KCNQ3: variants seen among roughly 807,000 people sequenced by gnomAD.
The protein encoded by KCNQ3 is potassium voltage-gated channel subfamily Q member 3.
In KCNQ3, 30 loss-of-function variants were observed where a neutral mutation model predicts 92.5. That is an observed-to-expected ratio of 0.32 (90% CI 0.24 to 0.44). The LOEUF (loss-of-function observed/expected upper bound fraction) is 0.44, where lower values mean the gene tolerates loss of function less well. KCNQ3 is among the 20% of genes least tolerant of loss of function. KCNQ3 has a pLI of 1.00. For missense variants in KCNQ3, 913 were observed against 1,140.3 expected (o/e 0.80, Z 2.87); for synonymous variants, 450 against 468.8 (o/e 0.96, Z 0.52).
At chr8:132,408,714 T>A (rs142771730) in intron 1 of KCNQ3, among the ~76,000 whole-genome samples, 11 of 152,176 alleles carry the variant, frequency 7.2e-5, no homozygotes, top group Non-Finnish European at 1.2e-4. Context: ...ATAAAAGAGG[T>A]CAGAGAGTCA....
chr8:132,149,532 G>A (rs921805122), intron 9 of KCNQ3, among the ~76,000 whole-genome samples: 1 of 152,170 alleles, frequency 6.6e-6, no homozygotes, highest in Non-Finnish European at 1.5e-5. Flanking sequence ...AGGAAAGGAG[G>A]GTGGAATGGG....
At chr8:132,408,779 G>T (rs1459142211) in intron 1 of KCNQ3, among the ~76,000 whole-genome samples, 1 of 152,158 alleles carries the variant, frequency 6.6e-6, no homozygotes, top group Non-Finnish European at 1.5e-5. Context: ...GTAGCAAAGG[G>T]CACTAGGCAG....
chr8:132,363,827 T>C (rs955052192), intron 1 of KCNQ3, among the ~76,000 whole-genome samples: 1 of 151,658 alleles, frequency 6.6e-6, no homozygotes, highest in African/African-American at 2.4e-5. Context: ...TCTTTCATAC[T>C]TTCTGAGTGT....
chr8:132,151,033 AG>A (rs1208112196), intron 9 of KCNQ3, among the ~76,000 whole-genome samples: 16 of 152,226 alleles, frequency 1.1e-4, no homozygotes, highest in Admixed American at 5.9e-4. Flanking sequence ...AAATATAAAT[AG>A]GTGGACTAAA....
At chr8:132,369,459 A>G (rs1819411070) in intron 1 of KCNQ3, among the ~76,000 whole-genome samples, 1 of 152,124 alleles carries the variant, frequency 6.6e-6, no homozygotes, top group Admixed American at 6.5e-5. Flanking sequence ...CCATTGTCCA[A>G]TAAAAGAAAC....
intron 1 of KCNQ3, among the ~76,000 whole-genome samples, chr8:132,269,287 C>T (rs917181391): frequency 2.0e-5 from 3 of 152,126 alleles, no homozygotes; most frequent in African/African-American, 7.2e-5. Context: ...ATTACCATAC[C>T]CAAAGTCATC....
chr8:132,359,796 C>T (rs1446740730), intron 1 of KCNQ3, among the ~76,000 whole-genome samples: 5 of 152,210 alleles, frequency 3.3e-5, no homozygotes, highest in Non-Finnish European at 7.3e-5. Context: ...GGTCAAGGCA[C>T]TTGCCTGGCA....
At chr8:132,376,960 T>C (rs1166052914) in intron 1 of KCNQ3, among the ~76,000 whole-genome samples, 1 of 152,102 alleles carries the variant, frequency 6.6e-6, no homozygotes, top group Non-Finnish European at 1.5e-5. Context: ...GACTGAGCTA[T>C]GAAAATAAGG....
chr8:132,186,265 G>A, intron 1 of KCNQ3, 84 bp from the exon 2 acceptor site: 1 of 945,890 alleles, frequency 1.1e-6, no homozygotes, highest in Non-Finnish European at 1.7e-6. Context: ...TGTCTTCCAG[G>A]ATGAAGCTGC....
intron 1 of KCNQ3, among the ~76,000 whole-genome samples, chr8:132,279,089 G>A (rs1213692345): frequency 1.3e-5 from 2 of 152,096 alleles, no homozygotes; most frequent in Non-Finnish European, 2.9e-5. Flanking sequence ...CTTGGTGGTG[G>A]ATACCTGTAA....
At chr8:132,427,857 A>G (rs1164934553) in intron 1 of KCNQ3, among the ~76,000 whole-genome samples, 1 of 152,212 alleles carries the variant, frequency 6.6e-6, no homozygotes, top group Admixed American at 6.5e-5. Context: ...AGAGGCCCAG[A>G]TCTCTTTTCA....
At chr8:132,467,194 G>C (rs1029595002) in intron 1 of KCNQ3, among the ~76,000 whole-genome samples, 3 of 152,106 alleles carry the variant, frequency 2.0e-5, no homozygotes, top group Non-Finnish European at 2.9e-5. Context: ...TGAGAGCCTG[G>C]GTTTCCTGGT....
intron 1 of KCNQ3, among the ~76,000 whole-genome samples, chr8:132,472,586 T>C (rs942200254): frequency 6.6e-6 from 1 of 152,158 alleles, no homozygotes; most frequent in Non-Finnish European, 1.5e-5. Context: ...AATAAAATGA[T>C]AGATACCAGA....
intron 1 of KCNQ3, among the ~76,000 whole-genome samples, chr8:132,193,160 G>A (rs1326219856): frequency 6.6e-6 from 1 of 152,142 alleles, no homozygotes; most frequent in African/African-American, 2.4e-5. Flanking sequence ...CTTGGGGAGA[G>A]CCAATAGCAG....
chr8:132,137,270 T>G (rs532797086), intron 12 of KCNQ3, among the ~76,000 whole-genome samples: 1 of 152,288 alleles, frequency 6.6e-6, no homozygotes, highest in African/African-American at 2.4e-5. Context: ...ATAGAGACTT[T>G]CTAATCAGTT....
Position 132,126,876 on chromosome 8 carries a change from C to A in KCNQ3, c.*2386G>T, listed in dbSNP as rs752762343. 3.9e-5 allele frequency: 6 copies of A among 152,160 alleles called. No individual in the cohort carries two copies. Among genetic ancestry groups the A allele is most frequent in the Non-Finnish European group, 7.3e-5 (5 of 68,038 alleles). The allele number at this position is 152,160 out of a possible 1,614,324, so 9.4% of individuals were successfully genotyped here. On this transcript the variant is annotated 3_prime_UTR_variant, in exon 15 of 15. Transcript: ENST00000388996. ...AAATGCATCATCTATTGGTAAAATA[C>A]TTAAGATAGTAAGTTCTTCAAGAAT...
At chr8:132,234,337 A>ATTTT (rs1814736957) in intron 1 of KCNQ3, among the ~76,000 whole-genome samples, 3 of 120,234 alleles carry the variant, frequency 2.5e-5, no homozygotes, top group Non-Finnish European at 5.2e-5. Context: ...GTCCATGAAA[A>ATTTT]GTTTTTTTTT....
rs1824462995 is a variant in KCNQ3 at position 132,121,334 on chromosome 8, TA to T, written c.*7927del. 1.3e-5 allele frequency: 2 copies of T among 152,210 alleles called. No homozygotes were observed. The highest frequency in any genetic ancestry group is 2.9e-5 in the Non-Finnish European group (2 of 68,036). 9.4% of individuals were successfully genotyped at this position (152,210 alleles called of 1,614,324 possible). ...GCAAGGCAGAGATCATTTTTCTCTT[TA>T]AAACAAGGAAGGACTGACAAATCTG... On this transcript the variant is annotated 3_prime_UTR_variant, in exon 15 of 15. Coordinates refer to ENST00000388996, the MANE Select transcript of KCNQ3 (RefSeq NM_004519.4).
chr8:132,290,049 C>T (rs1816796750), intron 1 of KCNQ3, among the ~76,000 whole-genome samples: 5 of 152,212 alleles, frequency 3.3e-5, no homozygotes, highest in African/African-American at 1.2e-4. Context: ...GACTTTAATT[C>T]ATTTAGCTGA....
Sources: allele counts gnomAD v4.1 joint callset (sites outside exome capture counted in the v4.1 genomes callset), GRCh38; gene constraint gnomAD v4.1.1; transcripts MANE v1.5; gene names NCBI Gene and HGNC (gene_info 2026-07-23, HGNC 2026-07-21).